The following NRXN3 variants were observed in gnomAD, a reference collection of about 807,000 sequenced individuals.
NRXN3 encodes neurexin III.
Under a neutral mutation model 137.6 loss-of-function variants are expected in NRXN3, and 32 were observed. The observed-to-expected ratio is 0.23, with a 90% confidence interval of 0.18 to 0.31. The LOEUF is 0.31. Ranked by LOEUF, NRXN3 falls within the 10% of genes least tolerant of loss-of-function variation. The pLI, the probability that NRXN3 is intolerant of heterozygous loss-of-function variation, is 1.00. For missense variants in NRXN3, 1,574 were observed against 2,062.5 expected, an observed-to-expected ratio of 0.76 and a Z score of 4.59; for synonymous variants, 798 against 784.5, an observed-to-expected ratio of 1.02 and a Z score of -0.29.
At chr14:79,661,743 C>T (rs533182485) in intron 16 of NRXN3, 3 of 151,646 alleles carry the variant, frequency 2.0e-5, no homozygotes, top group Non-Finnish European at 4.4e-5. Context: ...TTTTTCTTTT[C>T]CTCCTTCTGG....
chr14:79,433,931 C>A (rs1567115479), intron 15 of NRXN3, among the ~76,000 whole-genome samples: 1 of 152,156 alleles, frequency 6.6e-6, no homozygotes, highest in African/African-American at 2.4e-5. Context: ...AAAAGTTGAA[C>A]CTCTGTCACC....
At chr14:78,701,716 AAATT>A (rs1164651787) in intron 6 of NRXN3, among the ~76,000 whole-genome samples, 1 of 152,224 alleles carries the variant, frequency 6.6e-6, no homozygotes, top group Non-Finnish European at 1.5e-5. Context: ...GAATTTTTAA[AAATT>A]AATTAACTGT....
intron 16 of NRXN3, among the ~76,000 whole-genome samples, chr14:79,591,834 A>G (rs1366339001): frequency 6.6e-6 from 1 of 152,154 alleles, no homozygotes; most frequent in Non-Finnish European, 1.5e-5. Flanking sequence ...CTTCACAGTC[A>G]TTTCATGATA....
At chr14:78,460,887 C>T (rs1477976471) in intron 4 of NRXN3, among the ~76,000 whole-genome samples, 1 of 152,106 alleles carries the variant, frequency 6.6e-6, no homozygotes, top group East Asian at 1.9e-4. Context: ...ATTCTGCCTG[C>T]TCCTTCCCTC....
At chr14:78,187,637 C>T (rs988208731) in intron 1 of NRXN3, among the ~76,000 whole-genome samples, 1 of 152,120 alleles carries the variant, frequency 6.6e-6, no homozygotes, top group Non-Finnish European at 1.5e-5. Context: ...AGGAAGTCTT[C>T]GCTTCTGGTG....
rs982853612 is a variant in NRXN3, at chr14:79,692,246, G to A, written c.3690G>A (p.Glu1230=). 6.2e-7 allele frequency: 1 copy of A among 1,607,330 alleles called. No individual in the cohort carries two copies. Among genetic ancestry groups the A allele is most frequent in the South Asian group, 1.1e-5 (1 of 89,668 alleles). The part of the protein sequence containing the change: ...IPFKYNRPVE[E]WLQEKGRQLT... ...TCAAATATAATCGGCCTGTAGAGGA[G>A]TGGCTGCAGGAAAAAGGTAACCGTC... is the stretch of plus-strand genomic sequence containing the variant. The change falls in exon 18 of 21, where the codon GAG becomes GAA. Residue 1230 remains glutamate (E), a synonymous_variant. Transcript: ENST00000335750.
At chr14:79,302,021 C>T (rs959850103) in intron 15 of NRXN3, among the ~76,000 whole-genome samples, 1 of 151,956 alleles carries the variant, frequency 6.6e-6, no homozygotes, top group African/African-American at 2.4e-5. Context: ...AGAAAACACT[C>T]CTTTTCTTCT....
intron 19 of NRXN3, among the ~76,000 whole-genome samples, chr14:79,705,656 C>T (rs2098775099): frequency 6.6e-6 from 1 of 152,070 alleles, no homozygotes; most frequent in Non-Finnish European, 1.5e-5. Context: ...CCTGCCATTT[C>T]CTCTGCCTGC....
intron 10 of NRXN3, among the ~76,000 whole-genome samples, chr14:78,934,109 GT>G (rs142453599): frequency 0.032 from 4,544 of 142,306 alleles, 221 homozygotes; most frequent in African/African-American, 0.11. Context: ...TAAATTGAGT[GT>G]TATTTGAGAA....
intron 15 of NRXN3, among the ~76,000 whole-genome samples, chr14:79,306,001 T>A (rs1205482578): frequency 1.3e-5 from 2 of 152,092 alleles, no homozygotes; most frequent in Non-Finnish European, 2.9e-5. Flanking sequence ...GAAAAGACAG[T>A]TGCGTTCCAG....
intron 15 of NRXN3, among the ~76,000 whole-genome samples, chr14:79,454,362 A>C (rs370637314): frequency 6.6e-6 from 1 of 152,040 alleles, no homozygotes; most frequent in African/African-American, 2.4e-5. Flanking sequence ...GATTACAAGC[A>C]TGCACCACCA....
intron 2 of NRXN3, among the ~76,000 whole-genome samples, chr14:78,277,763 T>G (rs945261155): frequency 1.3e-5 from 2 of 152,210 alleles, no homozygotes; most frequent in Non-Finnish European, 1.5e-5. Context: ...CGATTCTATT[T>G]CACATCTGAG....
chr14:78,439,060 AG>A (rs1308401291), intron 4 of NRXN3, among the ~76,000 whole-genome samples: 2 of 151,982 alleles, frequency 1.3e-5, no homozygotes, highest in Non-Finnish European at 2.9e-5. Context: ...CACTTGCTTG[AG>A]GGGGAGACAT....
intron 10 of NRXN3, among the ~76,000 whole-genome samples, chr14:78,937,274 A>G (rs554814776): frequency 6.6e-6 from 1 of 152,294 alleles, no homozygotes; most frequent in African/African-American, 2.4e-5. Context: ...TGTTCAGTCT[A>G]CAAGTATTTT....
At chr14:78,197,445 T>C (rs1421777750) in intron 1 of NRXN3, among the ~76,000 whole-genome samples, 6 of 152,304 alleles carry the variant, frequency 3.9e-5, no homozygotes, top group South Asian at 2.1e-4. Context: ...TGTGCAGCAA[T>C]TGGGGAGGTT....
At chr14:79,677,853 C>T (rs750938746) in intron 17 of NRXN3, among the ~76,000 whole-genome samples, 36 of 152,202 alleles carry the variant, frequency 2.4e-4, no homozygotes, top group Admixed American at 9.8e-4. Flanking sequence ...GTATGTAATT[C>T]TTCTAAGAGA....
At chr14:78,574,078 T>G (rs1227572695) in intron 4 of NRXN3, among the ~76,000 whole-genome samples, 1 of 152,218 alleles carries the variant, frequency 6.6e-6, no homozygotes, top group Admixed American at 6.5e-5. Context: ...GCCCCAAGCC[T>G]TGGCAGCTTA....
At chr14:79,196,088 C>T (rs1486600521) in intron 15 of NRXN3, among the ~76,000 whole-genome samples, 1 of 152,118 alleles carries the variant, frequency 6.6e-6, no homozygotes, top group African/African-American at 2.4e-5. Context: ...GCACACTAGT[C>T]AGGGGTGAGA....
At chr14:78,677,479 TCTC>T (rs2098020904) in intron 6 of NRXN3, among the ~76,000 whole-genome samples, 2 of 151,920 alleles carry the variant, frequency 1.3e-5, no homozygotes, top group Non-Finnish European at 2.9e-5. Flanking sequence ...ATTGATGCAA[TCTC>T]ATGATAAAAC....
Sources: gnomAD v4.1 joint callset for allele counts (sites outside exome capture counted in the v4.1 genomes callset) on GRCh38, gnomAD v4.1.1 for gene constraint, MANE v1.5 for transcripts, NCBI Gene and HGNC (gene_info 2026-07-23, HGNC 2026-07-21) for gene names.